The following KCTD14 variants were observed in gnomAD, a reference collection of about 807,000 sequenced individuals.
The protein encoded by KCTD14 is potassium channel tetramerization domain containing 14.
Under a neutral mutation model 5.9 loss-of-function variants are expected in KCTD14, and 7 were observed. The observed-to-expected ratio is 1.19, with a 90% CI of 0.68 to 2.23. The LOEUF (loss-of-function observed/expected upper bound fraction) is 2.23. KCTD14 is among the 30% of genes most tolerant of loss of function. The probability of loss-of-function intolerance (pLI) is 0.00; values close to 1 mark genes in which losing one functional copy is unlikely to be tolerated. For missense variants in KCTD14, 342 were observed against 332.2 expected (o/e 1.03, Z -0.23); for synonymous variants, 140 against 133.1 (o/e 1.05, Z -0.36).
chr11:78,038,862 C>G (rs948739623), intron 1 of KCTD14: 2 of 1,326,176 alleles, frequency 1.5e-6, no homozygotes, highest in Non-Finnish European at 2.1e-6. Context: ...AGCCACACTG[C>G]AGAACTGGAT....
intron 2 of KCTD14, among the ~76,000 whole-genome samples, chr11:78,038,077 C>T (rs377639905): frequency 9.2e-5 from 14 of 152,008 alleles, no homozygotes; most frequent in Admixed American, 7.2e-4. Context: ...CTCTGCCCCC[C>T]ACACCATCCT....
upstream of KCTD14, among the ~76,000 whole-genome samples, chr11:78,023,889 C>T (rs937295588): frequency 4.6e-5 from 7 of 152,074 alleles, no homozygotes; most frequent in African/African-American, 1.4e-4. Flanking sequence ...TCCGCAACAC[C>T]CATTTTACAG....
At chr11:78,035,121 G>A (rs559199716) in intron 2 of KCTD14, among the ~76,000 whole-genome samples, 1 of 152,066 alleles carries the variant, frequency 6.6e-6, no homozygotes, top group African/African-American at 2.4e-5. Context: ...CTTTACAATG[G>A]GTATATCTGT....
chr11:78,020,219 T>C (rs1187318801), intron 1 of KCTD14, among the ~76,000 whole-genome samples: 3 of 152,136 alleles, frequency 2.0e-5, no homozygotes, highest in Non-Finnish European at 2.9e-5. Context: ...AATAGATGCA[T>C]AGTGTTAGAG....
chr11:78,031,999 C>T (rs939017844), intron 2 of KCTD14, among the ~76,000 whole-genome samples: 1 of 152,156 alleles, frequency 6.6e-6, no homozygotes, highest in African/African-American at 2.4e-5. Flanking sequence ...TTGGGAAGTC[C>T]CCCACTCCAC....
In KCTD14 at chr11:78,016,723, A is replaced by G. The variant is rs1181495566; in HGVS notation, c.638T>C (p.Leu213Pro). The G allele has an allele frequency of 6.2e-7, 1 of 1,614,102 alleles. No homozygotes were observed. Among genetic ancestry groups the G allele is most frequent in the East Asian group, 2.2e-5 (1 of 44,902 alleles). Reference protein sequence around the residue: ...PWKAVLDNSDLMHCLEMDIKA... With the variant: ...PWKAVLDNSDPMHCLEMDIKA... Reference sequence around the variant, plus strand: ...AATGTCCATCTCCAGGCAGTGCATGAGGTCGCTGTTGTCTAGGACCGCCTT... The same window carrying G: ...AATGTCCATCTCCAGGCAGTGCATGGGGTCGCTGTTGTCTAGGACCGCCTT... Residue 213 changes from leucine (L) to proline (P), a missense_variant, in exon 2 of 2, where the codon CTC becomes CCC. Physicochemically the swap from Leu to Pro is moderately conservative, Grantham distance 98 (BLOSUM62 -3). Coordinates refer to ENST00000353172, the MANE Select transcript of KCTD14 (RefSeq NM_023930.4).
chr11:78,027,192 A>G (rs1429238443), upstream of KCTD14, among the ~76,000 whole-genome samples: 1 of 152,176 alleles, frequency 6.6e-6, no homozygotes, highest in Non-Finnish European at 1.5e-5. Flanking sequence ...AAAAGACTGG[A>G]CAGCTGGAAG....
chr11:78,043,960 C>T (rs1285790880), intron 1 of KCTD14, among the ~76,000 whole-genome samples: 1 of 152,156 alleles, frequency 6.6e-6, no homozygotes, highest in African/African-American at 2.4e-5. Flanking sequence ...GAAACAAGGC[C>T]AGAGTTGCTG....
intron 2 of KCTD14, among the ~76,000 whole-genome samples, chr11:78,036,907 T>C (rs1857818193): frequency 6.6e-6 from 1 of 152,240 alleles, no homozygotes; most frequent in Non-Finnish European, 1.5e-5. Flanking sequence ...CAGACATGTA[T>C]TAATTGCCTG....
At chr11:78,036,869 T>C (rs756858475) in intron 2 of KCTD14, among the ~76,000 whole-genome samples, 11 of 152,206 alleles carry the variant, frequency 7.2e-5, no homozygotes, top group Non-Finnish European at 7.3e-5. Context: ...AAATCGCTGC[T>C]AAGTGAAAAC....
intron 1 of KCTD14, chr11:78,038,886 G>T: frequency 1.8e-6 from 2 of 1,114,412 alleles, no homozygotes; most frequent in Non-Finnish European, 1.3e-6. Context: ...TACTGCTGCT[G>T]TGGTCACGGT....
intron 1 of KCTD14, among the ~76,000 whole-genome samples, chr11:78,044,610 T>C (rs1858083028): frequency 1.3e-5 from 2 of 152,134 alleles, no homozygotes; most frequent in Non-Finnish European, 2.9e-5. Context: ...ATTTCTCAAA[T>C]TGTTAGCAGT....
chr11:78,023,357 T>A, upstream of KCTD14: 4 of 1,024,756 alleles, frequency 3.9e-6, no homozygotes, highest in African/African-American at 1.6e-5. Context: ...GCAGTGAGAC[T>A]GGGCCAAGTG....
At chr11:78,045,658 A>G (rs1165070647) in intron 1 of KCTD14, among the ~76,000 whole-genome samples, 1 of 152,212 alleles carries the variant, frequency 6.6e-6, no homozygotes, top group East Asian at 1.9e-4. Context: ...AGGCAAGATG[A>G]GGGTTGGTTA....
At chr11:78,029,408 A>G (rs1306070783) in intron 2 of KCTD14, among the ~76,000 whole-genome samples, 1 of 152,174 alleles carries the variant, frequency 6.6e-6, no homozygotes, top group Non-Finnish European at 1.5e-5. Context: ...GTCACCTGAC[A>G]GGATTTGCAG....
chr11:78,019,062 C>T (rs1250431268), intron 1 of KCTD14, among the ~76,000 whole-genome samples: 16 of 146,424 alleles, frequency 1.1e-4, no homozygotes, highest in Admixed American at 6.9e-4. Context: ...CTCGCTCAGT[C>T]GCCCAGGCTA....
intron 2 of KCTD14, among the ~76,000 whole-genome samples, chr11:78,031,046 G>GTT (rs11342063): frequency 2.6e-4 from 34 of 131,356 alleles, no homozygotes; most frequent in African/African-American, 4.0e-4. Flanking sequence ...GCAAGTAATG[G>GTT]TTTTTTTTTT....
chr11:78,035,491 G>C (rs1857762689), intron 2 of KCTD14, among the ~76,000 whole-genome samples: 1 of 152,054 alleles, frequency 6.6e-6, no homozygotes, highest in Non-Finnish European at 1.5e-5. Context: ...CTAACCCTCA[G>C]GGTCTGCACT....
intron 2 of KCTD14, chr11:78,038,651 G>A (rs1271331468): frequency 6.5e-7 from 1 of 1,535,486 alleles, no homozygotes; most frequent in Non-Finnish European, 8.7e-7. Context: ...AAGAGAGGGG[G>A]TGACCTGCAT....
Sources: gnomAD v4.1 joint callset for allele counts (sites outside exome capture counted in the v4.1 genomes callset) on GRCh38, gnomAD v4.1.1 for gene constraint, MANE v1.5 for transcripts, NCBI Gene and HGNC (gene_info 2026-07-23, HGNC 2026-07-21) for gene names.